Variants in CR2 observed in about 807,000 individuals in gnomAD.
CR2 encodes the protein complement C3d receptor 2, also known as complement receptor type 2.
In CR2, 96 loss-of-function variants were observed where a neutral mutation model predicts 123.0. The observed-to-expected ratio is 0.78, with a 90% CI of 0.66 to 0.93. The LOEUF (loss-of-function observed/expected upper bound fraction) is 0.93. Ranked by LOEUF, CR2 falls within the 40% of genes least tolerant of loss-of-function variation. CR2 has a pLI of 0.00. For synonymous variants in CR2, 484 were observed against 469.5 expected, an observed-to-expected ratio of 1.03 and a Z score of -0.40; for missense variants, 1,258 against 1,361.0, an observed-to-expected ratio of 0.92 and a Z score of 1.19.
At position 207,475,173 on chromosome 1, in the gene CR2, T is replaced by TATC; in HGVS notation, c.2673_2674insATC (p.Thr891_Asp892insIle). On this transcript the variant is annotated inframe_insertion, in exon 14 of 20. Coordinates refer to ENST00000367057, the MANE Select transcript of CR2 (RefSeq NM_001006658.3). Reference sequence around the variant, plus strand: ...GTAGTCGCGTGATTAGGTGTCATACTGATAACACATGGGTGCCAGGTGTGC... The same window carrying TATC: ...GTAGTCGCGTGATTAGGTGTCATACTATCGATAACACATGGGTGCCAGGTGTGC... 6.2e-7 allele frequency: 1 copy of TATC among 1,613,646 alleles called. No homozygotes were observed. Among genetic ancestry groups the TATC allele is most frequent in the Non-Finnish European group, 8.5e-7 (1 of 1,179,820 alleles).
Position 207,468,865 on chromosome 1 carries a change from G to A in CR2, c.700G>A (p.Val234Ile). ...GGTAAAGGAGCCTCCAATTCTCCGG[G>A]TTGGTGTAACTGCAAACTTTTTCTG... ...GKVKEPPILR[V>I]GVTANFFCDE... is the part of the protein sequence containing the mutation. Residue 234 changes from valine to isoleucine, a missense_variant, in exon 4 of 20, where the codon GTT (valine) becomes ATT (isoleucine). Physicochemically the swap from Val to Ile is conservative, Grantham distance 29 (BLOSUM62 3). Transcript: ENST00000367057. The A allele has an allele frequency of 6.2e-7, 1 of 1,614,000 alleles. No homozygotes were observed. The highest frequency in any genetic ancestry group is 8.5e-7 in the Non-Finnish European group (1 of 1,179,936).
rs57322361 is a variant in CR2 at position 207,473,379 on chromosome 1, A to G, written c.1979-166A>G. 4.0e-3 allele frequency among the ~76,000 whole-genome samples: 610 copies of G among 152,310 alleles called. 9 individuals are homozygous for G. Among genetic ancestry groups the G allele is most frequent in the African/African-American group, 0.014 (573 of 41,576 alleles). On this transcript the variant is annotated intron_variant, in intron 10 of 19. Coordinates refer to ENST00000367057, the MANE Select transcript of CR2 (RefSeq NM_001006658.3). ...TGGATCTGGGATCTATTCAGGGTAG[A>G]TAATGAGAGAGCCTTTTTAAAGAGC...
intron 16 of CR2, 48 bp downstream of exon 16, chr1:207,478,118 A>G (rs1481665336): frequency 6.3e-7 from 1 of 1,582,726 alleles, no homozygotes; most frequent in Non-Finnish European, 8.6e-7. Flanking sequence ...TAACGGAGAG[A>G]AGAGAGTGAG....
chr1:207,463,749 T>C (rs1248104860), intron 1 of CR2, among the ~76,000 whole-genome samples: 2 of 152,194 alleles, frequency 1.3e-5, no homozygotes, highest in Non-Finnish European at 2.9e-5. Flanking sequence ...AGATATCTAC[T>C]CTTTGGTGAC....
At chr1:207,470,646 G>A (rs929006464) in intron 6 of CR2, 94 bp from the exon 7 acceptor site, 3 of 1,232,088 alleles carry the variant, frequency 2.4e-6, no homozygotes, top group Non-Finnish European at 3.6e-6. Context: ...ACGCCAGAGT[G>A]GAATTATAGC....
chr1:207,471,021 G>A lies in CR2; in HGVS notation c.1427G>A (p.Arg476Lys). Residue 476 changes from arginine (R) to lysine (K), a missense_variant, in exon 8 of 20, where the codon AGG (arginine) becomes AAG (lysine). Transcript: ENST00000367057. ...GTGGCAGCGTGTGAAGCTACAGGAAGGCAACTCTTGACAAAACCCCAGCAC... is the reference window on the plus strand; with the variant it reads ...GTGGCAGCGTGTGAAGCTACAGGAAAGCAACTCTTGACAAAACCCCAGCAC... The part of the protein sequence containing the change: ...CKVAACEATG[R>K]QLLTKPQHQF... 6.2e-7 allele frequency: 1 copy of A among 1,613,798 alleles called. No individual in the cohort carries two copies. Among genetic ancestry groups the A allele is most frequent in the Non-Finnish European group, 8.5e-7 (1 of 1,179,824 alleles).
At chr1:207,457,251 T>C (rs1035895069) in intron 1 of CR2, among the ~76,000 whole-genome samples, 9 of 152,258 alleles carry the variant, frequency 5.9e-5, no homozygotes, top group African/African-American at 1.9e-4. Flanking sequence ...CTTGGTATGT[T>C]TCCTCCTATA....
intron 1 of CR2, among the ~76,000 whole-genome samples, chr1:207,465,516 C>T (rs1278433938): frequency 6.6e-6 from 1 of 152,134 alleles, no homozygotes; most frequent in African/African-American, 2.4e-5. Flanking sequence ...TAAATTGATT[C>T]AGTTGAGTAT....
At chr1:207,460,182 T>G (rs1657931643) in intron 1 of CR2, among the ~76,000 whole-genome samples, 1 of 152,246 alleles carries the variant, frequency 6.6e-6, no homozygotes, top group Non-Finnish European at 1.5e-5. Context: ...TCATGAAGTT[T>G]GTCTTCATTG....
chr1:207,480,066 G>A lies in CR2; in HGVS notation c.3188+13G>A, dbSNP rs199895961. On this transcript the variant is annotated intron_variant, in intron 18 of 19. Transcript: ENST00000367057. ...AACACAGAGCACGGTAAGTTCAAAG[G>A]CGAATACTTGATTGACCAACATGCA... The A allele has an allele frequency of 5.7e-5, 91 of 1,589,034 alleles. No homozygotes were observed. The African/African-American group carries it at 1.0e-3, about 17-fold the overall frequency.
intron 17 of CR2, among the ~76,000 whole-genome samples, chr1:207,479,726 A>G (rs1658551885): frequency 6.6e-6 from 1 of 152,226 alleles, no homozygotes; most frequent in African/African-American, 2.4e-5. Context: ...AGGAACAGAA[A>G]AACTCAATGA....
chr1:207,487,021 A>G (rs1474140627), intron 19 of CR2, among the ~76,000 whole-genome samples: 1 of 152,154 alleles, frequency 6.6e-6, no homozygotes, highest in Non-Finnish European at 1.5e-5. Flanking sequence ...AGGAGACTGA[A>G]TAAGATCTCC....
chr1:207,466,842 C>A lies in CR2; in HGVS notation c.375C>A (p.Asn125Lys). 1 of 1,613,094 alleles carries A rather than the reference C, an allele frequency of 6.2e-7. No homozygotes were observed. Among genetic ancestry groups the A allele is most frequent in the Non-Finnish European group, 8.5e-7 (1 of 1,179,666 alleles). Residue 125 changes from asparagine (N) to lysine (K), a missense_variant, in exon 2 of 20, where the codon AAC (asparagine) becomes AAA (lysine). Physicochemically the swap from Asn to Lys is moderately conservative, Grantham distance 94. Transcript: ENST00000367057. ...TFACKTNFSM[N>K]GNKSVWCQAN... ...CCTGTAAAACCAACTTCTCCATGAA[C>A]GGAAACAAGTCTGTTTGGTGTCAAG... is the stretch of plus-strand genomic sequence containing the variant.
intron 18 of CR2, among the ~76,000 whole-genome samples, chr1:207,483,641 C>T (rs1658668417): frequency 6.6e-6 from 1 of 151,742 alleles, no homozygotes; most frequent in Admixed American, 6.6e-5. Flanking sequence ...ATTTCCAGGA[C>T]TTGGTGACAT....
intron 19 of CR2, among the ~76,000 whole-genome samples, chr1:207,488,732 G>T (rs140023989): frequency 6.6e-6 from 1 of 152,108 alleles, no homozygotes; most frequent in African/African-American, 2.4e-5. Flanking sequence ...CATAAACAAG[G>T]TATAGAAAAT....
At chr1:207,478,491 G>A (rs570207259) in intron 16 of CR2, among the ~76,000 whole-genome samples, 13 of 124,102 alleles carry the variant, frequency 1.0e-4, no homozygotes, top group South Asian at 7.4e-4. Context: ...TTGCACCACC[G>A]CACTCTAGCC....
chr1:207,469,274 C>A, intron 5 of CR2, 42 bp downstream of exon 5: 1 of 1,485,424 alleles, frequency 6.7e-7, no homozygotes, highest in Non-Finnish European at 9.4e-7. Context: ...GCATTCTCAG[C>A]TTAACTAAAA....
At chr1:207,460,676 A>G (rs1276086228) in intron 1 of CR2, among the ~76,000 whole-genome samples, 1 of 152,192 alleles carries the variant, frequency 6.6e-6, no homozygotes, top group Non-Finnish European at 1.5e-5. Context: ...ACATAGAAAA[A>G]TGACTTTTCC....
chr1:207,457,960 A>G (rs1391829476), intron 1 of CR2, among the ~76,000 whole-genome samples: 1 of 151,876 alleles, frequency 6.6e-6, no homozygotes, highest in Non-Finnish European at 1.5e-5. Context: ...CTGAGCTGCA[A>G]ACTGCCTACT....
Sources: allele counts gnomAD v4.1 joint callset (sites outside exome capture counted in the v4.1 genomes callset), GRCh38; gene constraint gnomAD v4.1.1; transcripts MANE v1.5; gene names NCBI Gene and HGNC (gene_info 2026-07-23, HGNC 2026-07-21).